Variants in CNGB3 observed in about 807,000 individuals in gnomAD.
CNGB3 encodes cyclic nucleotide gated channel subunit beta 3.
A neutral mutation model predicts 92.8 loss-of-function variants in CNGB3; 86 were observed. That is an observed-to-expected ratio of 0.93 (90% confidence interval 0.78 to 1.11). The LOEUF is 1.11. Ranked by LOEUF, CNGB3 falls within the 50% of genes least tolerant of loss-of-function variation. The probability of loss-of-function intolerance (pLI) is 0.00; values close to 1 mark genes in which losing one functional copy is unlikely to be tolerated. For missense variants in CNGB3, 1,026 were observed against 956.8 expected, an observed-to-expected ratio of 1.07 and a Z score of -0.95; for synonymous variants, 333 against 332.7, an observed-to-expected ratio of 1.00 and a Z score of -0.01.
intron 3 of CNGB3, among the ~76,000 whole-genome samples, chr8:86,673,792 A>AT (rs11382985): frequency 0.88 from 133,816 of 152,118 alleles, 59,018 homozygotes; most frequent in East Asian, 1. Context: ...GCATGAAAAA[A>AT]TTTTTTGTGT....
chr8:86,589,381 C>T (rs1477609381), intron 15 of CNGB3, among the ~76,000 whole-genome samples: 1 of 149,404 alleles, frequency 6.7e-6, no homozygotes, highest in African/African-American at 2.5e-5. Flanking sequence ...CTTCTGCTAG[C>T]TTTTGAATGT....
At position 86,706,486 on chromosome 8, in the gene CNGB3, G is replaced by T. The variant is rs569725988; in HGVS notation, c.338+20045C>A. ...TGTATTGAGCTCCAAGTAGGTAAAA[G>T]TGCAACAGCCTTGAGAGCTCTTTCA... is the stretch of plus-strand genomic sequence containing the variant. On this transcript the variant is annotated intron_variant, in intron 3 of 17. Coordinates refer to ENST00000320005, the MANE Select transcript of CNGB3 (RefSeq NM_019098.5). 2.4e-4 allele frequency among the ~76,000 whole-genome samples: 36 copies of T among 152,314 alleles called. No individual in the cohort carries two copies. The South Asian group carries it at 6.2e-3, about 26-fold the overall frequency.
At chr8:86,582,592 A>G (rs1197133699) in intron 15 of CNGB3, among the ~76,000 whole-genome samples, 2 of 152,200 alleles carry the variant, frequency 1.3e-5, no homozygotes, top group Non-Finnish European at 2.9e-5. Context: ...AGAGGGGGGA[A>G]GTACCTAAGA....
intron 8 of CNGB3, among the ~76,000 whole-genome samples, chr8:86,645,507 T>A (rs1823279827): frequency 6.6e-6 from 1 of 151,262 alleles, no homozygotes; most frequent in African/African-American, 2.4e-5. Context: ...CCAAAAGGGT[T>A]GTGTGCATAC....
At chr8:86,593,802 G>T (rs73690916) in intron 15 of CNGB3, 3 of 1,330,808 alleles carry the variant, frequency 2.3e-6, no homozygotes, top group South Asian at 2.4e-5. Flanking sequence ...TAGTAGGGCC[G>T]CAGCTTGTCC....
chr8:86,634,252 T>C (rs1208140838), intron 10 of CNGB3, among the ~76,000 whole-genome samples: 1 of 152,230 alleles, frequency 6.6e-6, no homozygotes, highest in Non-Finnish European at 1.5e-5. Context: ...AGTATGGTAT[T>C]CAATAAATTA....
At chr8:86,712,977 A>G (rs7842722) in intron 3 of CNGB3, among the ~76,000 whole-genome samples, 53,988 of 151,844 alleles carry the variant, frequency 0.36, 10,379 homozygotes, top group East Asian at 0.53. Flanking sequence ...AGAAAAGAAA[A>G]AAAGGAGAGA....
chr8:86,661,572 T>A (rs1823640644), intron 6 of CNGB3: 1 of 741,598 alleles, frequency 1.3e-6, no homozygotes, highest in Non-Finnish European at 2.5e-6. Flanking sequence ...GTTGCCAAAT[T>A]TTCTTTTTCA....
At chr8:86,684,438 G>A (rs993823774) in intron 3 of CNGB3, among the ~76,000 whole-genome samples, 8 of 152,036 alleles carry the variant, frequency 5.3e-5, no homozygotes, top group Admixed American at 3.3e-4. Flanking sequence ...CAGTTTGACA[G>A]TTTCTTATAA....
At chr8:86,690,740 G>T (rs998162605) in intron 3 of CNGB3, among the ~76,000 whole-genome samples, 1 of 151,892 alleles carries the variant, frequency 6.6e-6, no homozygotes, top group Non-Finnish European at 1.5e-5. Context: ...TTTGTATAAG[G>T]TGTAAGGAAG....
intron 14 of CNGB3, among the ~76,000 whole-genome samples, chr8:86,608,922 G>A (rs1822465270): frequency 6.6e-6 from 1 of 152,142 alleles, no homozygotes; most frequent in Non-Finnish European, 1.5e-5. Context: ...GGTGGTAGTG[G>A]TCCCCCGGGC....
At chr8:86,691,400 A>T (rs186539856) in intron 3 of CNGB3, among the ~76,000 whole-genome samples, 1 of 152,280 alleles carries the variant, frequency 6.6e-6, no homozygotes, top group East Asian at 1.9e-4. Context: ...TGAGACTTCC[A>T]GTACTATGTT....
At chr8:86,634,600 C>T (rs185074707) in intron 10 of CNGB3, among the ~76,000 whole-genome samples, 5 of 151,988 alleles carry the variant, frequency 3.3e-5, no homozygotes, top group African/African-American at 7.2e-5. Flanking sequence ...ATATAAAGAA[C>T]GTCTCCAGGT....
chr8:86,595,467 A>C (rs1034761073), intron 15 of CNGB3, among the ~76,000 whole-genome samples: 7 of 152,240 alleles, frequency 4.6e-5, no homozygotes, highest in Non-Finnish European at 7.3e-5. Flanking sequence ...TGGGACTTAG[A>C]TGAGGTATAC....
At chr8:86,652,735 A>G (rs1823430738) in intron 7 of CNGB3, among the ~76,000 whole-genome samples, 2 of 152,042 alleles carry the variant, frequency 1.3e-5, no homozygotes, top group African/African-American at 4.8e-5. Flanking sequence ...ACATGGGTGG[A>G]GCTGTCATTT....
chr8:86,743,631 C>A lies in CNGB3; in HGVS notation c.-4G>T. The A allele has an allele frequency of 6.2e-7, 1 of 1,613,882 alleles. No individual in the cohort carries two copies. Among genetic ancestry groups the A allele is most frequent in the Non-Finnish European group, 8.5e-7 (1 of 1,179,780 alleles). On this transcript the variant is annotated 5_prime_UTR_variant, in exon 1 of 18. Transcript: ENST00000320005. Reference sequence around the variant, plus strand: ...CTTTTGTCAGCGATTTAAACATCTTCTCTGAGGTGGTTCTGAAAACCCTCT... The same window carrying A: ...CTTTTGTCAGCGATTTAAACATCTTATCTGAGGTGGTTCTGAAAACCCTCT...
intron 3 of CNGB3, among the ~76,000 whole-genome samples, chr8:86,680,002 C>A (rs1387644019): frequency 1.3e-5 from 2 of 152,170 alleles, no homozygotes. Flanking sequence ...ATCTTGGACT[C>A]CTAGCCTCCA....
chr8:86,679,724 C>A (rs188954477), intron 3 of CNGB3, among the ~76,000 whole-genome samples: 20 of 152,194 alleles, frequency 1.3e-4, no homozygotes, highest in Admixed American at 7.2e-4. Flanking sequence ...TGGAGATTTG[C>A]CATGTTGGCC....
At chr8:86,695,514 T>C (rs1266599102) in intron 3 of CNGB3, among the ~76,000 whole-genome samples, 1 of 152,178 alleles carries the variant, frequency 6.6e-6, no homozygotes, top group Non-Finnish European at 1.5e-5. Flanking sequence ...GACGTTGTAA[T>C]TGTCTTTTCT....
Sources: gnomAD v4.1 joint callset for allele counts (sites outside exome capture counted in the v4.1 genomes callset) on GRCh38, gnomAD v4.1.1 for gene constraint, MANE v1.5 for transcripts, NCBI Gene and HGNC (gene_info 2026-07-23, HGNC 2026-07-21) for gene names.